PEAK1: variants seen among roughly 807,000 people sequenced by gnomAD.
PEAK1 encodes the protein inactive tyrosine-protein kinase PEAK1.
PEAK1 carries 54 observed loss-of-function variants against 124.7 expected under a neutral mutation model. The observed-to-expected ratio is 0.43, with a 90% confidence interval of 0.35 to 0.54. PEAK1 has a LOEUF of 0.54. PEAK1 is among the 20% of genes least tolerant of loss of function. PEAK1 has a pLI of 0.01. For synonymous variants in PEAK1, 719 were observed against 760.0 expected (o/e 0.95, Z 0.89); for missense variants, 2,046 against 2,134.5 (o/e 0.96, Z 0.82).
At chr15:77,264,349 GA>G (rs1202085499) in intron 5 of PEAK1, among the ~76,000 whole-genome samples, 7 of 152,054 alleles carry the variant, frequency 4.6e-5, no homozygotes, top group South Asian at 2.1e-4. Context: ...TGTATATCTA[GA>G]AAACCCCATT....
chr15:77,381,864 T>C (rs2069511406), intron 1 of PEAK1, among the ~76,000 whole-genome samples: 1 of 152,196 alleles, frequency 6.6e-6, no homozygotes, highest in Non-Finnish European at 1.5e-5. Context: ...TCTAAGAACC[T>C]AATTGTATCT....
intron 6 of PEAK1, among the ~76,000 whole-genome samples, chr15:77,194,250 TG>T (rs1160970923): frequency 1.3e-5 from 2 of 152,176 alleles, no homozygotes; most frequent in Non-Finnish European, 2.9e-5. Context: ...ACTTGAGTCC[TG>T]GATTTTCATT....
intron 7 of PEAK1, among the ~76,000 whole-genome samples, chr15:77,161,580 A>T (rs561847490): frequency 6.6e-6 from 1 of 152,356 alleles, no homozygotes; most frequent in South Asian, 2.1e-4. Context: ...CTGCATTTAC[A>T]GTGACAGCAG....
chr15:77,113,212 T>C lies in PEAK1; in HGVS notation c.*944A>G, dbSNP rs1411015594. ...CTACTGATAGAAGGGAGCTGGCCAA[T>C]TACTGCTCGGGGAAAACTGCAAATG... is the stretch of plus-strand genomic sequence containing the variant. On this transcript the variant is annotated 3_prime_UTR_variant, in exon 10 of 10. Coordinates refer to ENST00000682557, the MANE Select transcript of PEAK1 (RefSeq NM_001385026.1). 1 of 152,294 alleles carries C rather than the reference T, an allele frequency of 6.6e-6. No homozygotes were observed. The highest frequency in any genetic ancestry group is 1.5e-5 in the Non-Finnish European group (1 of 68,066). The allele number at this position is 152,294 out of a possible 1,614,324, so 9.4% of individuals were successfully genotyped here.
chr15:77,291,402 T>C (rs186743437), intron 2 of PEAK1, among the ~76,000 whole-genome samples: 68 of 152,248 alleles, frequency 4.5e-4, no homozygotes, highest in Middle Eastern at 3.4e-3. Context: ...AACACTATTA[T>C]AAAATAAATT....
At chr15:77,390,598 A>T (rs771575555) in intron 1 of PEAK1, among the ~76,000 whole-genome samples, 3 of 152,188 alleles carry the variant, frequency 2.0e-5, no homozygotes, top group Non-Finnish European at 4.4e-5. Flanking sequence ...TGAGTAAAAG[A>T]AGTATGAATT....
At chr15:77,291,958 C>T (rs569306467) in intron 2 of PEAK1, among the ~76,000 whole-genome samples, 104 of 134,210 alleles carry the variant, frequency 7.7e-4, no homozygotes, top group African/African-American at 2.7e-3. Context: ...GCCTGGGCGA[C>T]GGAGCAAGAC....
At chr15:77,240,604 A>G (rs116643912) in intron 6 of PEAK1, among the ~76,000 whole-genome samples, 234 of 152,198 alleles carry the variant, frequency 1.5e-3, no homozygotes, top group African/African-American at 5.5e-3. Flanking sequence ...TCAAAAAAAA[A>G]AAGCTTATGT....
At chr15:77,188,012 G>A (rs939809281) in intron 6 of PEAK1, among the ~76,000 whole-genome samples, 1 of 152,072 alleles carries the variant, frequency 6.6e-6, no homozygotes, top group Non-Finnish European at 1.5e-5. Flanking sequence ...TTCAGTATAT[G>A]ACTAAAAGGG....
rs927895860 is a variant in PEAK1, at chr15:77,350,625, A to C, written c.-603+14538T>G. 4.1e-6 allele frequency: 4 copies of C among 984,340 alleles called. No homozygotes were observed. In the African/African-American group the frequency reaches 7.0e-5, roughly 17 times the overall value. The allele number at this position is 984,340 out of a possible 1,614,324, so 61.0% of individuals were successfully genotyped here. ...GAGATTCAAGTAAAAAAAAAAAAAA[A>C]ACAAGGCCCAGCTTGTGACATAGCA... On this transcript the variant is annotated intron_variant, in intron 2 of 9. Coordinates refer to ENST00000682557, the MANE Select transcript of PEAK1 (RefSeq NM_001385026.1).
intron 1 of PEAK1, chr15:77,402,519 T>C: frequency 1.0e-6 from 1 of 966,698 alleles, no homozygotes; most frequent in South Asian, 4.8e-5. Context: ...AGTATATAAT[T>C]ATCATGTGAA....
At position 77,114,345 on chromosome 15, in the gene PEAK1, T is replaced by G; in HGVS notation, c.5052A>C (p.Leu1684=). The change falls in exon 10 of 10, where the codon CTA becomes CTC. Residue 1684 remains leucine (L), a synonymous_variant. Transcript: ENST00000682557. The part of the protein sequence containing the change: ...LFQTFTACPS[L]VQRNTLLQNW... ...TTTGGAGCAGGGTGTTCCTCTGTAC[T>G]AGGCTAGGGCAGGCGGTGAAAGTCT... is the stretch of plus-strand genomic sequence containing the variant. The G allele has an allele frequency of 1.2e-6, 2 of 1,614,190 alleles. No homozygotes were observed. The highest frequency in any genetic ancestry group is 2.2e-5 in the East Asian group (1 of 44,882).
intron 1 of PEAK1, chr15:77,404,455 T>G: frequency 1.8e-6 from 1 of 555,430 alleles, no homozygotes; most frequent in Non-Finnish European, 2.3e-6. Flanking sequence ...ATGTAAAATA[T>G]CTCAATAATT....
At chr15:77,299,514 T>C (rs796421612) in intron 2 of PEAK1, among the ~76,000 whole-genome samples, 39 of 152,336 alleles carry the variant, frequency 2.6e-4, no homozygotes, top group African/African-American at 8.7e-4. Flanking sequence ...CTAATGTCTT[T>C]TGTAGCAAAG....
At chr15:77,198,585 G>A (rs1287687124) in intron 6 of PEAK1, among the ~76,000 whole-genome samples, 2 of 152,174 alleles carry the variant, frequency 1.3e-5, no homozygotes, top group East Asian at 3.8e-4. Flanking sequence ...AAGGCTAGCA[G>A]GCATGAAAAT....
At chr15:77,347,113 G>C in intron 2 of PEAK1, 2 of 669,206 alleles carry the variant, frequency 3.0e-6, no homozygotes, top group Non-Finnish European at 3.7e-6. Context: ...CTTGCAAGTT[G>C]GAATAAACTT....
At position 77,139,475 on chromosome 15, in the gene PEAK1, A is replaced by G. The variant is rs1434045808; in HGVS notation, c.3332-5725T>C. ...GCAGTGCAGTAGGTTTGTTTACACC[A>G]GCATCACCACAAACACGTGAGTAAT... On this transcript the variant is annotated intron_variant, in intron 8 of 9. Transcript: ENST00000682557. Among the ~76,000 whole-genome samples the G allele has an allele frequency of 1.1e-4, 17 of 152,328 alleles. No individual in the cohort carries two copies. The South Asian group carries it at 3.1e-3, about 28-fold the overall frequency.
intron 1 of PEAK1, among the ~76,000 whole-genome samples, chr15:77,385,282 A>C (rs187227172): frequency 6.6e-6 from 1 of 152,308 alleles, no homozygotes; most frequent in Admixed American, 6.5e-5. Flanking sequence ...AAAACAAAAC[A>C]AAAATGTTTA....
At chr15:77,146,490 TA>T (rs1334342000) in intron 8 of PEAK1, among the ~76,000 whole-genome samples, 7 of 152,216 alleles carry the variant, frequency 4.6e-5, no homozygotes, top group East Asian at 1.9e-4. Context: ...AAACAGAGAT[TA>T]TTTTTTTGGG....
Sources: gnomAD v4.1 joint callset for allele counts (sites outside exome capture counted in the v4.1 genomes callset) on GRCh38, gnomAD v4.1.1 for gene constraint, MANE v1.5 for transcripts, NCBI Gene and HGNC (gene_info 2026-07-23, HGNC 2026-07-21) for gene names.